COG4: variants seen among roughly 807,000 people sequenced by gnomAD.
COG4 encodes conserved oligomeric Golgi complex subunit 4.
Under a neutral mutation model 95.1 loss-of-function variants are expected in COG4, and 65 were observed. The ratio of observed to expected loss-of-function variants is 0.68; its 90% CI spans 0.56 to 0.84. COG4 has a LOEUF of 0.84. COG4 is among the 40% of genes least tolerant of loss of function. The pLI is 0.00. For synonymous variants in COG4, 421 were observed against 374.8 expected (o/e 1.12, Z -1.42); for missense variants, 1,045 against 989.1 (o/e 1.06, Z -0.76).
rs117068379 is a variant in COG4, at chr16:70,503,537, T to G, written c.1062-2446A>C. On this transcript the variant is annotated intron_variant, in intron 8 of 18. Transcript: ENST00000323786. ...CAGTTTTTAAAATACACATGACCTT[T>G]GCACATGCTTTCCTTGCTCTATCTG... 1.3e-3 allele frequency among the ~76,000 whole-genome samples: 193 copies of G among 152,280 alleles called. 2 individuals carry two copies. In the East Asian group the frequency reaches 0.036, roughly 28 times the overall value.
rs1431496926 is a variant in COG4 at position 70,517,750 on chromosome 16, T to C, written c.255-10A>G. The C allele has an allele frequency of 1.9e-6, 3 of 1,578,828 alleles. No individual in the cohort carries two copies. Among genetic ancestry groups the C allele is most frequent in the Non-Finnish European group, 2.6e-6 (3 of 1,148,298 alleles). On this transcript the variant is annotated splice_polypyrimidine_tract_variant and intron_variant, in intron 2 of 18. Coordinates refer to ENST00000323786, the MANE Select transcript of COG4 (RefSeq NM_015386.3). ...CAGCTGCAGATTAGGACTGGAGAAATACATTGTTAGCATACACATAACGAT... is the reference window on the plus strand; with the variant it reads ...CAGCTGCAGATTAGGACTGGAGAAACACATTGTTAGCATACACATAACGAT...
chr16:70,514,588 G>C, intron 3 of COG4, 79 bp from the exon 4 acceptor site: 4 of 1,229,740 alleles, frequency 3.3e-6, no homozygotes, highest in Non-Finnish European at 4.7e-6. Context: ...AGATTCAGGA[G>C]CTGAATCTGA....
chr16:70,514,304 A>G (rs773910850), intron 4 of COG4, 31 bp downstream of exon 4: 1 of 1,609,334 alleles, frequency 6.2e-7, no homozygotes, highest in East Asian at 2.2e-5. Flanking sequence ...GATTTTAACT[A>G]AACTAAAAAC....
At chr16:70,511,932 C>CAA in intron 5 of COG4, among the ~76,000 whole-genome samples, 1 of 134,914 alleles carries the variant, frequency 7.4e-6, no homozygotes, top group South Asian at 2.4e-4. Flanking sequence ...AACTCCATCT[C>CAA]AAAAAAAAAA....
chr16:70,502,142 T>A (rs1167824992), intron 8 of COG4, among the ~76,000 whole-genome samples: 1 of 150,298 alleles, frequency 6.7e-6, no homozygotes, highest in South Asian at 2.1e-4. Context: ...ATTAGCTGGG[T>A]GTGGTGGCGC....
chr16:70,495,642 T>C (rs1347991025), intron 12 of COG4, among the ~76,000 whole-genome samples: 1 of 152,176 alleles, frequency 6.6e-6, no homozygotes, highest in East Asian at 1.9e-4. Context: ...AGGCCTGATC[T>C]TGAGCTTAGG....
rs1416010067 is a variant in COG4, at chr16:70,480,982, G to A, written c.*28C>T. The A allele has an allele frequency of 1.9e-6, 3 of 1,610,702 alleles. No individual in the cohort carries two copies. Among genetic ancestry groups the A allele is most frequent in the South Asian group, 2.2e-5 (2 of 90,948 alleles). ...CCTTAGGGAACAGGCCTGCAAGTGT[G>A]ATGAGCCAGGTGTGCTCATCCAGGC... On this transcript the variant is annotated 3_prime_UTR_variant, in exon 19 of 19. Coordinates refer to ENST00000323786, the MANE Select transcript of COG4 (RefSeq NM_015386.3).
At chr16:70,505,345 C>G (rs560407688) in intron 8 of COG4, among the ~76,000 whole-genome samples, 52 of 150,804 alleles carry the variant, frequency 3.4e-4, no homozygotes, top group South Asian at 1.5e-3. Flanking sequence ...CTACAGGCAC[C>G]CGCCAACACA....
At chr16:70,483,504 C>G (rs1041802338) in intron 14 of COG4, among the ~76,000 whole-genome samples, 1 of 151,876 alleles carries the variant, frequency 6.6e-6, no homozygotes, top group Non-Finnish European at 1.5e-5. Flanking sequence ...TTCTGATAAA[C>G]TCTCACAAGA....
Position 70,488,672 on chromosome 16 carries a change from C to A in COG4, c.1710+1658G>T, listed in dbSNP as rs545099465. Among the ~76,000 whole-genome samples, 3 of 152,164 alleles carry A rather than the reference C, an allele frequency of 2.0e-5. No individual in the cohort carries two copies. The South Asian group carries it at 6.2e-4, about 32-fold the overall frequency. On this transcript the variant is annotated intron_variant, in intron 13 of 18. Transcript: ENST00000323786. ...AAACAATTCTCCTGCCTCAGCCTCC[C>A]GAGTAGCTGGGATTATGGGCACATG...
rs1439659411 is a variant in COG4 at position 70,480,676 on chromosome 16, C to CAG, written c.*332_*333dup. The stretch of plus-strand genomic sequence containing the variant: ...ATGTACCCAAGTTGTCTAGGACTGG[C>CAG]AGGGGTAGCTTGTTTGCTGTAGTGT... On this transcript the variant is annotated 3_prime_UTR_variant, in exon 19 of 19. Transcript: ENST00000323786. 8.3e-6 allele frequency: 3 copies of CAG among 362,008 alleles called. No individual in the cohort carries two copies. Among genetic ancestry groups the CAG allele is most frequent in the Non-Finnish European group, 1.6e-5 (3 of 192,392 alleles). 22.4% of individuals were successfully genotyped at this position (362,008 alleles called of 1,614,324 possible).
In COG4 at chr16:70,512,562, GTAATATGCATGATTACAAGATGAA is replaced by G. The variant is rs1200073932; in HGVS notation, c.545-154_545-131del. 6.5e-6 allele frequency: 5 copies of G among 765,422 alleles called. No individual in the cohort carries two copies. In the African/African-American group the frequency reaches 6.9e-5, roughly 10 times the overall value. The allele number at this position is 765,422 out of a possible 1,614,324, so 47.4% of individuals were successfully genotyped here. On this transcript the variant is annotated intron_variant, in intron 4 of 18. Coordinates refer to ENST00000323786, the MANE Select transcript of COG4 (RefSeq NM_015386.3). The stretch of plus-strand genomic sequence containing the variant: ...TTACCATGTGCAAGATGCTGTGCTA[GTAATATGCATGATTACAAGATGAA>G]TCAGCCCTGATCCTACCATCACAGA...
At chr16:70,521,825 C>A (rs2049949699) in intron 1 of COG4, among the ~76,000 whole-genome samples, 1 of 151,542 alleles carries the variant, frequency 6.6e-6, no homozygotes, top group South Asian at 2.1e-4. Flanking sequence ...CCTCAGCCTC[C>A]CGAGTAGCTG....
In COG4 at chr16:70,497,953, C is replaced by T; in HGVS notation, c.1298G>A (p.Arg433Lys). 1 of 1,589,916 alleles carries T rather than the reference C, an allele frequency of 6.3e-7. No homozygotes were observed. The highest frequency in any genetic ancestry group is 8.6e-7 in the Non-Finnish European group (1 of 1,157,992). The change falls in exon 10 of 19, where the codon AGG becomes AAG. Residue 433 changes from arginine (R) to lysine (K), a missense_variant. Coordinates refer to ENST00000323786, the MANE Select transcript of COG4 (RefSeq NM_015386.3). The part of the protein sequence containing the change: ...LYVTMEEYFM[R>K]ETVNKAVALD... ...ATGTCCTACCTTATTGACAGTCTCC[C>T]TCATGAAGTACTCCTCCATGGTAAC...
intron 12 of COG4, 26 bp downstream of exon 12, chr16:70,496,240 C>G (rs1438339901): frequency 1.2e-6 from 2 of 1,613,990 alleles, no homozygotes; most frequent in Non-Finnish European, 8.5e-7. Flanking sequence ...TAAACCAACC[C>G]AGCTCGTGAG....
At chr16:70,493,567 G>C (rs2049286610) in intron 12 of COG4, among the ~76,000 whole-genome samples, 2 of 152,116 alleles carry the variant, frequency 1.3e-5, no homozygotes, top group Admixed American at 1.3e-4. Flanking sequence ...TTCTGGAAAG[G>C]GGATAATATA....
In COG4 at chr16:70,481,819, G is replaced by C; in HGVS notation, c.2051C>G (p.Thr684Ser). ...VIYDSLTGLM[T>S]SLVAVELEKV... ...CTCCAACTCGACGGCAACAAGGCTA[G>C]TCATGAGGCCGGTTAGGCTGTCGTA... is the stretch of plus-strand genomic sequence containing the variant. Residue 684 changes from threonine to serine, a missense_variant, in exon 17 of 19, where the codon ACT (threonine) becomes AGT (serine). Thr to Ser is a moderately conservative substitution (Grantham distance 58). Transcript: ENST00000323786. 2 of 1,614,114 alleles carry C rather than the reference G, an allele frequency of 1.2e-6. No individual in the cohort carries two copies. The highest frequency in any genetic ancestry group is 1.3e-5 in the African/African-American group (1 of 75,060).
At position 70,512,341 on chromosome 16, in the gene COG4, C is replaced by T. The variant is rs1199261920; in HGVS notation, c.636G>A (p.Lys212=). ...IVAEKFAIAT[K]EGDLPQVERF... is the part of the protein sequence containing the mutation. Reference sequence around the variant, plus strand: ...GCTCCACCTGGGGCAGATCACCTTCCTTGGTGGCAATGGCAAACTTCTCTG... The same window carrying T: ...GCTCCACCTGGGGCAGATCACCTTCTTTGGTGGCAATGGCAAACTTCTCTG... The change falls in exon 5 of 19, where the codon AAG becomes AAA. Residue 212 remains lysine (K), a synonymous_variant. Coordinates refer to ENST00000323786, the MANE Select transcript of COG4 (RefSeq NM_015386.3). The T allele has an allele frequency of 6.2e-7, 1 of 1,614,154 alleles. No individual in the cohort carries two copies. The highest frequency in any genetic ancestry group is 1.7e-5 in the Admixed American group (1 of 60,014).
chr16:70,509,488 T>G, intron 6 of COG4, 100 bp from the exon 7 acceptor site: 1 of 1,347,614 alleles, frequency 7.4e-7, no homozygotes, highest in Non-Finnish European at 1.0e-6. Context: ...TCAATCCTTT[T>G]GGCTGCTTCA....
Sources: gnomAD v4.1 joint callset for allele counts (sites outside exome capture counted in the v4.1 genomes callset) on GRCh38, gnomAD v4.1.1 for gene constraint, MANE v1.5 for transcripts, NCBI Gene and HGNC (gene_info 2026-07-23, HGNC 2026-07-21) for gene names.